PCDHA3: variants seen among roughly 807,000 people sequenced by gnomAD.
PCDHA3 encodes the protein protocadherin alpha-3.
In PCDHA3, 41 loss-of-function variants were observed where a neutral mutation model predicts 62.2. The ratio of observed to expected loss-of-function variants is 0.66; its 90% CI spans 0.51 to 0.86. The LOEUF (loss-of-function observed/expected upper bound fraction) is 0.86, where lower values mean the gene tolerates loss of function less well. PCDHA3 is among the 40% of genes least tolerant of loss of function. The pLI is 0.00. For missense variants in PCDHA3, 1,304 were observed against 1,241.2 expected (o/e 1.05, Z -0.76); for synonymous variants, 640 against 555.4 (o/e 1.15, Z -2.14).
In PCDHA3 at chr5:140,829,580, C is replaced by T. The variant is rs1481552888; in HGVS notation, c.2394+25989C>T. ...GCTGGTGTCCTACTCGCTGGTGGAG[C>T]GGCGGGTGGGCGAGCGCGCGTTGTC... On this transcript the variant is annotated intron_variant, in intron 1 of 3. Coordinates refer to ENST00000522353, the MANE Select transcript of PCDHA3 (RefSeq NM_018906.3). 4 of 1,612,184 alleles carry T rather than the reference C, an allele frequency of 2.5e-6. No homozygotes were observed. In the African/African-American group the frequency reaches 4.0e-5, roughly 16 times the overall value.
At chr5:140,804,896 A>T in intron 1 of PCDHA3, 4 of 723,606 alleles carry the variant, frequency 5.5e-6, no homozygotes, top group Non-Finnish European at 6.2e-6. Flanking sequence ...CCTTCCCCTC[A>T]CTTCCATTTT....
chr5:140,822,168 G>A (rs782246170), intron 1 of PCDHA3: 5 of 1,614,262 alleles, frequency 3.1e-6, no homozygotes, highest in Non-Finnish European at 3.4e-6. Context: ...ATCCGCCCAG[G>A]TTCTCCAGAC....
At chr5:140,869,892 A>G in intron 1 of PCDHA3, 1 of 1,610,608 alleles carries the variant, frequency 6.2e-7, no homozygotes, top group Non-Finnish European at 8.5e-7. Context: ...TTGTGCTCAA[A>G]CTAAACGCCA....
intron 1 of PCDHA3, among the ~76,000 whole-genome samples, chr5:140,931,298 AAG>A (rs2087432571): frequency 6.6e-6 from 1 of 152,144 alleles, no homozygotes; most frequent in African/African-American, 2.4e-5. Context: ...CTGTAACAAA[AAG>A]AGAGGAGAAT....
intron 1 of PCDHA3, among the ~76,000 whole-genome samples, chr5:140,924,726 C>T (rs1294650773): frequency 1.3e-5 from 2 of 151,796 alleles, no homozygotes; most frequent in African/African-American, 4.8e-5. Context: ...GAAACCTCAC[C>T]TCTAATAAAA....
intron 1 of PCDHA3, among the ~76,000 whole-genome samples, chr5:140,905,327 TG>T (rs2071747762): frequency 6.6e-6 from 1 of 152,202 alleles, no homozygotes; most frequent in Non-Finnish European, 1.5e-5. Context: ...TATGCTTTGT[TG>T]AAGATCAGTT....
chr5:140,899,259 G>C (rs2067235630), intron 1 of PCDHA3, among the ~76,000 whole-genome samples: 1 of 152,126 alleles, frequency 6.6e-6, no homozygotes, highest in African/African-American at 2.4e-5. Context: ...GGGCATCCCT[G>C]TCTTGTGGCA....
At chr5:140,894,569 CT>C (rs556288790) in intron 1 of PCDHA3, among the ~76,000 whole-genome samples, 1 of 151,328 alleles carries the variant, frequency 6.6e-6, no homozygotes, top group Non-Finnish European at 1.5e-5. Flanking sequence ...AATTATTTTC[CT>C]TTTTTTTAAT....
intron 1 of PCDHA3, chr5:140,857,025 A>G: frequency 6.3e-7 from 1 of 1,596,330 alleles, no homozygotes; most frequent in Non-Finnish European, 8.6e-7. Flanking sequence ...GATAAGGGAA[A>G]CCCACCTATG....
intron 1 of PCDHA3, chr5:140,815,532 T>TACGTTA (rs1554126821): frequency 9.3e-5 from 14 of 151,194 alleles, no homozygotes; most frequent in Non-Finnish European, 1.9e-4. Context: ...ATATTGTGTA[T>TACGTTA]ACATTATTTT....
intron 1 of PCDHA3, among the ~76,000 whole-genome samples, chr5:140,893,161 G>A (rs2063850346): frequency 6.6e-6 from 1 of 152,160 alleles, no homozygotes; most frequent in African/African-American, 2.4e-5. Context: ...TGGATATTGA[G>A]GTTGATTCCA....
chr5:140,871,419 C>A (rs1554165566), intron 1 of PCDHA3: 1 of 1,613,732 alleles, frequency 6.2e-7, no homozygotes. Flanking sequence ...TGGCCTTCAG[C>A]CCCAGTCTTC....
chr5:140,960,134 A>G (rs1480555997), intron 1 of PCDHA3, among the ~76,000 whole-genome samples: 10 of 152,232 alleles, frequency 6.6e-5, no homozygotes, highest in African/African-American at 2.2e-4. Context: ...TGAAATACTT[A>G]GATATTAATA....
At chr5:140,906,162 G>A (rs1421474866) in intron 1 of PCDHA3, among the ~76,000 whole-genome samples, 1 of 152,064 alleles carries the variant, frequency 6.6e-6, no homozygotes, top group Non-Finnish European at 1.5e-5. Flanking sequence ...GACACACCCA[G>A]GAACAATACT....
intron 1 of PCDHA3, chr5:140,883,838 GA>G: frequency 6.2e-7 from 1 of 1,612,738 alleles, no homozygotes; most frequent in Non-Finnish European, 8.5e-7. Context: ...GCAGCCGTTG[GA>G]CCACGAGGAG....
intron 1 of PCDHA3, chr5:140,969,591 T>C: frequency 2.4e-6 from 2 of 829,486 alleles, no homozygotes; most frequent in South Asian, 2.0e-5. Context: ...TTAGTCTTAA[T>C]ATTTAATGCT....
At chr5:140,838,902 A>G (rs1775938113) in intron 1 of PCDHA3, among the ~76,000 whole-genome samples, 1 of 152,028 alleles carries the variant, frequency 6.6e-6, no homozygotes, top group Non-Finnish European at 1.5e-5. Context: ...GTGACAGAGC[A>G]ATACCTTGCC....
chr5:140,968,276 G>A, intron 1 of PCDHA3: 1 of 1,614,070 alleles, frequency 6.2e-7, no homozygotes, highest in South Asian at 1.1e-5. Context: ...GAATGCAGAG[G>A]TGACCTACTC....
intron 1 of PCDHA3, among the ~76,000 whole-genome samples, chr5:140,899,853 G>T (rs2067594174): frequency 6.6e-6 from 1 of 152,118 alleles, no homozygotes; most frequent in South Asian, 2.1e-4. Context: ...TGTCACCCAG[G>T]CTGGAGTGCA....
Sources: gnomAD v4.1 joint callset for allele counts (sites outside exome capture counted in the v4.1 genomes callset) on GRCh38, gnomAD v4.1.1 for gene constraint, MANE v1.5 for transcripts, NCBI Gene and HGNC (gene_info 2026-07-23, HGNC 2026-07-21) for gene names.